RC3H1: variants seen among roughly 807,000 people sequenced by gnomAD.
RC3H1 encodes the protein ring finger and CCCH-type domains 1.
A neutral mutation model predicts 138.2 loss-of-function variants in RC3H1; 50 were observed. The ratio of observed to expected loss-of-function variants is 0.36; its 90% CI spans 0.29 to 0.46. The LOEUF (loss-of-function observed/expected upper bound fraction) is 0.46, where lower values mean the gene tolerates loss of function less well. Among genes scored for constraint, RC3H1 ranks in the 20% least tolerant of loss-of-function variants. The pLI is 1.00. For synonymous variants in RC3H1, 462 were observed against 489.1 expected, an observed-to-expected ratio of 0.94 and a Z score of 0.73; for missense variants, 1,031 against 1,388.1, an observed-to-expected ratio of 0.74 and a Z score of 4.09.
intron 1 of RC3H1, among the ~76,000 whole-genome samples, chr1:173,997,339 T>C (rs973230566): frequency 1.3e-5 from 2 of 152,154 alleles, no homozygotes; most frequent in African/African-American, 2.4e-5. Flanking sequence ...AACACAAAGC[T>C]AGAGTACACT....
rs887490518 is a variant in RC3H1 at position 174,007,068 on chromosome 1, C to T, written c.-150-13933G>A. On this transcript the variant is annotated intron_variant, in intron 1 of 19. Coordinates refer to ENST00000367696, the MANE Select transcript of RC3H1 (RefSeq NM_172071.4). ...ATCACTACTATCCCAACTCCTAACA[C>T]AATAGGTTAGTTTTGCCCGGTTTAA... Among the ~76,000 whole-genome samples, 23 of 152,170 alleles carry T rather than the reference C, an allele frequency of 1.5e-4. 1 individual carries two copies. Among genetic ancestry groups the T allele is most frequent in the Admixed American group, 1.4e-3 (21 of 15,274 alleles).
rs1270577806 is a variant in RC3H1, at chr1:173,935,398, A to G, written c.*3323T>C. On this transcript the variant is annotated 3_prime_UTR_variant, in exon 20 of 20. Coordinates refer to ENST00000367696, the MANE Select transcript of RC3H1 (RefSeq NM_172071.4). ...AATTCCCTCACCTATGTATGAGTGAACACAATGCTTATTACTCCTACCTTA... is the reference window on the plus strand; with the variant it reads ...AATTCCCTCACCTATGTATGAGTGAGCACAATGCTTATTACTCCTACCTTA... The G allele has an allele frequency of 6.6e-6, 1 of 152,196 alleles. No homozygotes were observed. The highest frequency in any genetic ancestry group is 2.4e-5 in the African/African-American group (1 of 41,460). The allele number at this position is 152,196 out of a possible 1,614,324, so 9.4% of individuals were successfully genotyped here.
At chr1:173,972,969 G>C (rs1458458250) in intron 7 of RC3H1, among the ~76,000 whole-genome samples, 1 of 152,218 alleles carries the variant, frequency 6.6e-6, no homozygotes, top group Non-Finnish European at 1.5e-5. Context: ...TCATCTAAGA[G>C]TATGGTTATA....
Position 173,993,019 on chromosome 1 carries a change from C to T in RC3H1, c.-34G>A, listed in dbSNP as rs1334790525. ...GAGTTACAATTCACGAACACAAACA[C>T]ACACACAAATCTAAAGCAAAGATTC... On this transcript the variant is annotated 5_prime_UTR_variant, in exon 2 of 20. It adds an upstream start codon to the 5' untranslated region. Transcript: ENST00000367696. 6.9e-7 allele frequency: 1 copy of T among 1,445,424 alleles called. No individual in the cohort carries two copies. Among genetic ancestry groups the T allele is most frequent in the Non-Finnish European group, 9.7e-7 (1 of 1,027,488 alleles). 89.5% of individuals were successfully genotyped at this position (1,445,424 alleles called of 1,614,324 possible).
intron 14 of RC3H1, among the ~76,000 whole-genome samples, chr1:173,950,246 G>T (rs992796245): frequency 6.6e-6 from 1 of 151,780 alleles, no homozygotes; most frequent in Non-Finnish European, 1.5e-5. Context: ...TTTACATAAG[G>T]TCTATAAACA....
intron 6 of RC3H1, 87 bp downstream of exon 6, chr1:173,980,722 A>G (rs1660778401): frequency 1.1e-6 from 1 of 917,014 alleles, no homozygotes. Flanking sequence ...CAAAAGCTAT[A>G]CAGTATTCAC....
rs1439990410 is a variant in RC3H1 at position 173,935,612 on chromosome 1, T to C, written c.*3109A>G. 1 of 152,198 alleles carries C rather than the reference T, an allele frequency of 6.6e-6. No individual in the cohort carries two copies. The highest frequency in any genetic ancestry group is 6.5e-5 in the Admixed American group (1 of 15,284). The allele number at this position is 152,198 out of a possible 1,614,324, so 9.4% of individuals were successfully genotyped here. ...AAAGCCAGAAGCAATTAATACCTTT[T>C]CAATTTTGATTTTAAAAAAGTAGTT... On this transcript the variant is annotated 3_prime_UTR_variant, in exon 20 of 20. Transcript: ENST00000367696.
chr1:174,013,481 C>T (rs1335638732), intron 1 of RC3H1, among the ~76,000 whole-genome samples: 8 of 151,364 alleles, frequency 5.3e-5, no homozygotes, highest in Non-Finnish European at 8.9e-5. Context: ...CTCACTCTGT[C>T]GCCAGGCTGG....
chr1:173,941,315 T>C lies in RC3H1; in HGVS notation c.3201A>G (p.Gln1067=). The change falls in exon 19 of 20, where the codon CAA becomes CAG. Residue 1067 remains glutamine, a synonymous_variant. Transcript: ENST00000367696. ...LNTSKQAENG[Q]PEPQNKVPAE... The stretch of plus-strand genomic sequence containing the variant: ...CCGGAACCTTGTTTTGTGGTTCTGG[T>C]TGTCCATTTTCTGCTTGTTTACTTG... 1 of 1,614,030 alleles carries C rather than the reference T, an allele frequency of 6.2e-7. No homozygotes were observed. Among genetic ancestry groups the C allele is most frequent in the Admixed American group, 1.7e-5 (1 of 60,014 alleles).
chr1:173,960,445 G>A lies in RC3H1; in HGVS notation c.2370+632C>T, dbSNP rs566831988. ...AATCCAATGTATCAAAAATATTAAT[G>A]AATTTTACATTTTTGGTATGAAATC... On this transcript the variant is annotated intron_variant, in intron 13 of 19. Coordinates refer to ENST00000367696, the MANE Select transcript of RC3H1 (RefSeq NM_172071.4). 6.6e-5 allele frequency among the ~76,000 whole-genome samples: 10 copies of A among 152,176 alleles called. No homozygotes were observed. In the South Asian group the frequency reaches 1.9e-3, roughly 28 times the overall value.
At chr1:173,964,796 A>T in intron 10 of RC3H1, 43 bp downstream of exon 10, 1 of 1,520,506 alleles carries the variant, frequency 6.6e-7, no homozygotes. Context: ...CTTCGACTTT[A>T]TGAAGAAGAA....
At position 173,934,705 on chromosome 1, in the gene RC3H1, T is replaced by C. The variant is rs534609004; in HGVS notation, c.*4016A>G. The C allele has an allele frequency of 6.6e-6, 1 of 152,282 alleles. No homozygotes were observed. The highest frequency in any genetic ancestry group is 6.5e-5 in the Admixed American group (1 of 15,292). The allele number at this position is 152,282 out of a possible 1,614,324, so 9.4% of individuals were successfully genotyped here. ...TTAGAAAAGGCAACTTCACAGAAGTTATTGGCTAAGCGAATTCATTTGAAT... is the reference window on the plus strand; with the variant it reads ...TTAGAAAAGGCAACTTCACAGAAGTCATTGGCTAAGCGAATTCATTTGAAT... On this transcript the variant is annotated 3_prime_UTR_variant, in exon 20 of 20. Coordinates refer to ENST00000367696, the MANE Select transcript of RC3H1 (RefSeq NM_172071.4).
chr1:173,971,721 A>C (rs916115308), intron 8 of RC3H1, among the ~76,000 whole-genome samples: 9 of 152,230 alleles, frequency 5.9e-5, no homozygotes, highest in Admixed American at 5.9e-4. Flanking sequence ...ATTCATAAAT[A>C]AAGCTTTGAC....
intron 13 of RC3H1, among the ~76,000 whole-genome samples, chr1:173,954,609 A>G (rs1327051897): frequency 6.6e-6 from 1 of 152,210 alleles, no homozygotes; most frequent in Non-Finnish European, 1.5e-5. Context: ...TTTTTGAAGA[A>G]AACTTTTAAC....
intron 1 of RC3H1, among the ~76,000 whole-genome samples, chr1:174,009,682 C>CA (rs1661715345): frequency 6.6e-6 from 1 of 151,948 alleles, no homozygotes; most frequent in Admixed American, 6.6e-5. Flanking sequence ...ACCAAAAACA[C>CA]AAAAAATTAG....
chr1:174,012,849 C>A (rs1217107215), intron 1 of RC3H1, among the ~76,000 whole-genome samples: 1 of 149,886 alleles, frequency 6.7e-6, no homozygotes, highest in Non-Finnish European at 1.5e-5. Context: ...ATTCTAATAC[C>A]AACTCTGCCA....
chr1:173,942,965 T>C (rs1479111795), intron 18 of RC3H1, among the ~76,000 whole-genome samples: 2 of 152,204 alleles, frequency 1.3e-5, no homozygotes, highest in Non-Finnish European at 2.9e-5. Flanking sequence ...TTAATGGATA[T>C]AGTTTTTCCT....
At chr1:173,983,915 C>T (rs1237772330) in intron 3 of RC3H1, among the ~76,000 whole-genome samples, 1 of 152,004 alleles carries the variant, frequency 6.6e-6, no homozygotes, top group East Asian at 1.9e-4. Flanking sequence ...TCATTTTAAT[C>T]ATAGAGGAAG....
At position 173,984,595 on chromosome 1, in the gene RC3H1, A is replaced by AAGT. The variant is rs1240000293; in HGVS notation, c.253_255dup (p.Thr85dup). The AAGT allele has an allele frequency of 6.2e-7, 1 of 1,613,788 alleles. No homozygotes were observed. The highest frequency in any genetic ancestry group is 1.3e-5 in the African/African-American group (1 of 74,924). Reference sequence around the variant, plus strand: ...TTTGTGTCTTCAACCCCACTACACAAAGTAATAGGCTGCTGCTCAGGGACC... The same window carrying AAGT: ...TTTGTGTCTTCAACCCCACTACACAAAGTAGTAATAGGCTGCTGCTCAGGGACC... On this transcript the variant is annotated inframe_insertion, in exon 3 of 20. Transcript: ENST00000367696.
Sources: allele counts gnomAD v4.1 joint callset (sites outside exome capture counted in the v4.1 genomes callset), GRCh38; gene constraint gnomAD v4.1.1; transcripts MANE v1.5; gene names NCBI Gene and HGNC (gene_info 2026-07-23, HGNC 2026-07-21).